CCDC149: variants seen among roughly 807,000 people sequenced by gnomAD.
CCDC149 encodes coiled-coil domain-containing protein 149.
In CCDC149, 45 loss-of-function variants were observed where a neutral mutation model predicts 59.9. That is an observed-to-expected ratio of 0.75 (90% CI 0.59 to 0.96). The LOEUF (loss-of-function observed/expected upper bound fraction) is 0.96. Ranked by LOEUF, CCDC149 falls within the 40% of genes least tolerant of loss-of-function variation. The pLI is 0.00. For missense variants in CCDC149, 584 were observed against 664.7 expected, an observed-to-expected ratio of 0.88 and a Z score of 1.33; for synonymous variants, 245 against 260.6, an observed-to-expected ratio of 0.94 and a Z score of 0.58.
chr4:24,914,578 C>A (rs952862086), upstream of CCDC149, among the ~76,000 whole-genome samples: 22 of 134,366 alleles, frequency 1.6e-4, no homozygotes, highest in Non-Finnish European at 3.0e-4. Flanking sequence ...CCCTCCACGC[C>A]CCCCCACCCC....
At chr4:24,893,612 A>ATTTTTTTTTTTTTTTTT (rs1560241640) in intron 1 of CCDC149, among the ~76,000 whole-genome samples, 2 of 9,388 alleles carry the variant, frequency 2.1e-4, no homozygotes, top group African/African-American at 6.0e-4. Flanking sequence ...TAAAATACAG[A>ATTTTTTTTTTTTTTTTT]CTTTTTTTTT....
At chr4:24,958,309 A>G (rs1258852768) in intron 1 of CCDC149, among the ~76,000 whole-genome samples, 1 of 152,208 alleles carries the variant, frequency 6.6e-6, no homozygotes, top group African/African-American at 2.4e-5. Flanking sequence ...GTGCTTTATC[A>G]TGATCAGGAT....
intron 2 of CCDC149, 95 bp downstream of exon 2, chr4:24,876,441 A>G (rs1719444880): frequency 7.2e-7 from 1 of 1,385,778 alleles, no homozygotes. Context: ...AACTGTTTGC[A>G]TTTAACCATT....
At chr4:24,906,370 A>ATTGTATTT (rs1553859592) in intron 1 of CCDC149, among the ~76,000 whole-genome samples, 8,002 of 39,062 alleles carry the variant, frequency 0.2, 287 homozygotes, top group Non-Finnish European at 0.34. Flanking sequence ...AACAAATTTT[A>ATTGTATTT]TTTTATTTTA....
At chr4:24,979,302 T>A (rs958260550) in intron 1 of CCDC149, among the ~76,000 whole-genome samples, 2 of 152,156 alleles carry the variant, frequency 1.3e-5, no homozygotes, top group African/African-American at 4.8e-5. Context: ...GGGAATGCCC[T>A]CAGACAGAAA....
rs1436172885 is a variant in CCDC149 at position 24,912,830 on chromosome 4, C to G, written c.50G>C (p.Gly17Ala). Residue 17 changes from glycine to alanine, a missense_variant, in exon 1 of 13, where the codon GGG (glycine) becomes GCG (alanine). Transcript: ENST00000635206. ...CCGCGGCCTCACCTCGCTCACCAGCCCCTGCCAGTCGCTCTCAGTCCGGTC... is the reference window on the plus strand; with the variant it reads ...CCGCGGCCTCACCTCGCTCACCAGCGCCTGCCAGTCGCTCTCAGTCCGGTC... 1 of 1,372,460 alleles carries G rather than the reference C, an allele frequency of 7.3e-7. No individual in the cohort carries two copies. The highest frequency in any genetic ancestry group is 2.6e-5 in the Admixed American group (1 of 38,752). 85.0% of individuals were successfully genotyped at this position (1,372,460 alleles called of 1,614,324 possible).
intron 1 of CCDC149, among the ~76,000 whole-genome samples, chr4:24,962,534 C>T (rs1488456657): frequency 6.6e-6 from 1 of 152,160 alleles, no homozygotes; most frequent in African/African-American, 2.4e-5. Context: ...ACATATACAC[C>T]ATGGAATACT....
At chr4:24,812,309 G>C (rs1318435425) in intron 12 of CCDC149, among the ~76,000 whole-genome samples, 1 of 152,152 alleles carries the variant, frequency 6.6e-6, no homozygotes, top group Non-Finnish European at 1.5e-5. Context: ...GCCCCTCTGA[G>C]GGCACTTCCC....
At chr4:24,958,558 T>A (rs567756815) in intron 1 of CCDC149, among the ~76,000 whole-genome samples, 60 of 152,288 alleles carry the variant, frequency 3.9e-4, no homozygotes, top group Admixed American at 1.3e-4. Flanking sequence ...TAAAAGTCAT[T>A]ATAATCATTT....
chr4:24,924,115 C>G (rs1040069722), intron 1 of CCDC149, among the ~76,000 whole-genome samples: 2 of 152,168 alleles, frequency 1.3e-5, no homozygotes, highest in African/African-American at 4.8e-5. Flanking sequence ...TGGCTACACA[C>G]CACTGCAAAG....
At chr4:24,860,031 T>C (rs1303163063) in intron 3 of CCDC149, among the ~76,000 whole-genome samples, 1 of 152,128 alleles carries the variant, frequency 6.6e-6, no homozygotes, top group Non-Finnish European at 1.5e-5. Flanking sequence ...AAGCAATCTA[T>C]AAATTCAACA....
chr4:24,960,795 C>T (rs1253272559), intron 1 of CCDC149, among the ~76,000 whole-genome samples: 3 of 151,988 alleles, frequency 2.0e-5, no homozygotes, highest in Non-Finnish European at 4.4e-5. Context: ...TAGACAAATC[C>T]AAAATTACAG....
chr4:24,863,329 A>G (rs924408710), intron 3 of CCDC149, among the ~76,000 whole-genome samples: 2 of 152,198 alleles, frequency 1.3e-5, no homozygotes, highest in African/African-American at 4.8e-5. Context: ...AAAGTTTAAG[A>G]AAAACCTTTT....
chr4:24,860,683 T>C (rs965137204), intron 3 of CCDC149, among the ~76,000 whole-genome samples: 4 of 152,170 alleles, frequency 2.6e-5, no homozygotes, highest in Non-Finnish European at 5.9e-5. Flanking sequence ...GAAAAATCTT[T>C]GCAAACTATG....
downstream of CCDC149, among the ~76,000 whole-genome samples, chr4:24,805,354 G>A (rs28614114): frequency 0.017 from 2,655 of 152,264 alleles, 68 homozygotes; most frequent in African/African-American, 0.059. Flanking sequence ...TGCCAGGGAG[G>A]GGGGATGAGA....
chr4:24,975,738 G>A (rs1305857907), intron 1 of CCDC149, among the ~76,000 whole-genome samples: 1 of 152,050 alleles, frequency 6.6e-6, no homozygotes, highest in Non-Finnish European at 1.5e-5. Context: ...GTCAAGGGTG[G>A]TCCCCCAAAG....
At chr4:24,811,538 C>G (rs188651480) in intron 12 of CCDC149, among the ~76,000 whole-genome samples, 44 of 152,268 alleles carry the variant, frequency 2.9e-4, no homozygotes, top group Admixed American at 2.6e-3. Flanking sequence ...TAAAACAAAA[C>G]ACATTCATTC....
intron 1 of CCDC149, among the ~76,000 whole-genome samples, chr4:24,923,450 T>G (rs1168836574): frequency 6.6e-6 from 1 of 152,184 alleles, no homozygotes; most frequent in Non-Finnish European, 1.5e-5. Context: ...ATGCAAAAAT[T>G]ATTTAATCAC....
chr4:24,854,331 G>A (rs899672937), intron 3 of CCDC149, among the ~76,000 whole-genome samples: 1 of 152,200 alleles, frequency 6.6e-6, no homozygotes, highest in African/African-American at 2.4e-5. Context: ...GAAAGGCAGA[G>A]ACTCTGCTTT....
Sources: allele counts gnomAD v4.1 joint callset (sites outside exome capture counted in the v4.1 genomes callset), GRCh38; gene constraint gnomAD v4.1.1; transcripts MANE v1.5; gene names NCBI Gene and HGNC (gene_info 2026-07-23, HGNC 2026-07-21).